PRTG: variants seen among roughly 807,000 people sequenced by gnomAD.
The protein encoded by PRTG is protogenin.
PRTG carries 67 observed loss-of-function variants against 122.5 expected under a neutral mutation model. The observed-to-expected ratio is 0.55, with a 90% CI of 0.45 to 0.67. The LOEUF (loss-of-function observed/expected upper bound fraction) is 0.67. PRTG is among the 30% of genes least tolerant of loss of function. PRTG has a pLI of 0.00. For missense variants in PRTG, 1,435 were observed against 1,415.4 expected, an observed-to-expected ratio of 1.01 and a Z score of -0.22; for synonymous variants, 554 against 501.1, an observed-to-expected ratio of 1.11 and a Z score of -1.41.
chr15:55,708,147 G>GAAAAAAAAA (rs1567109053), intron 2 of PRTG, among the ~76,000 whole-genome samples: 1 of 27,942 alleles, frequency 3.6e-5, no homozygotes, highest in Non-Finnish European at 7.4e-5. Context: ...GAGTAAGCTG[G>GAAAAAAAAA]TAAAAAAAAA....
chr15:55,720,823 T>G (rs1220980716), intron 2 of PRTG, among the ~76,000 whole-genome samples: 1 of 152,218 alleles, frequency 6.6e-6, no homozygotes, highest in African/African-American at 2.4e-5. Context: ...AATCTCATAA[T>G]GTTTTAAGAA....
intron 15 of PRTG, among the ~76,000 whole-genome samples, chr15:55,631,284 A>T (rs1364144684): frequency 2.0e-5 from 3 of 152,246 alleles, no homozygotes; most frequent in African/African-American, 4.8e-5. Flanking sequence ...TGAAAGGAAG[A>T]ACATTTCCAT....
At chr15:55,632,548 T>C (rs1302130575) in intron 15 of PRTG, among the ~76,000 whole-genome samples, 1 of 152,140 alleles carries the variant, frequency 6.6e-6, no homozygotes, top group Non-Finnish European at 1.5e-5. Context: ...CTTAGTTACC[T>C]CCCTACTTCA....
intron 2 of PRTG, among the ~76,000 whole-genome samples, chr15:55,703,303 A>G (rs2029961321): frequency 1.3e-5 from 2 of 152,222 alleles, no homozygotes; most frequent in South Asian, 4.1e-4. Flanking sequence ...TAAATGATTT[A>G]CAATATTGAA....
chr15:55,690,022 T>C (rs900278891), intron 2 of PRTG, among the ~76,000 whole-genome samples: 5 of 152,148 alleles, frequency 3.3e-5, no homozygotes, highest in African/African-American at 9.7e-5. Flanking sequence ...CAATCTTAAA[T>C]AGTTATATGA....
rs2059250274 is a variant in PRTG, at chr15:55,635,093, G to GTGTGTGTGTGTGTC, written c.2623+2076_2623+2077insGACACACACACACA. On this transcript the variant is annotated intron_variant, in intron 15 of 19. Coordinates refer to ENST00000389286, the MANE Select transcript of PRTG (RefSeq NM_173814.6). ...GTTCTGGGTGTGTGTGTGTGTGTGTGTGTGTGTGTGTTTTTTGAGACAGAG... is the reference window on the plus strand; with the variant it reads ...GTTCTGGGTGTGTGTGTGTGTGTGTGTGTGTGTGTGTGTCTGTGTGTGTGTTTTTTGAGACAGAG... Among the ~76,000 whole-genome samples the GTGTGTGTGTGTGTC allele has an allele frequency of 5.3e-5, 8 of 151,830 alleles. 1 individual carries two copies. The Middle Eastern group carries it at 0.017, about 323-fold the overall frequency.
In PRTG at chr15:55,615,401, C is replaced by T. The variant is rs937916365; in HGVS notation, c.*4611G>A. On this transcript the variant is annotated 3_prime_UTR_variant, in exon 20 of 20. Transcript: ENST00000389286. ...TCATGTTAATCTTAAACACCATCAACGGCTTAAAAAGGGAAATTGAGAAGA... is the reference window on the plus strand; with the variant it reads ...TCATGTTAATCTTAAACACCATCAATGGCTTAAAAAGGGAAATTGAGAAGA... 6.6e-6 allele frequency: 1 copy of T among 152,074 alleles called. No individual in the cohort carries two copies. The highest frequency in any genetic ancestry group is 6.6e-5 in the Admixed American group (1 of 15,258). 9.4% of individuals were successfully genotyped at this position (152,074 alleles called of 1,614,324 possible). A position where few individuals can be genotyped will look rare whatever the true frequency, so the allele number is the denominator to read the frequency against.
chr15:55,684,286 CAAAT>C (rs765454684), intron 2 of PRTG, among the ~76,000 whole-genome samples: 76 of 152,284 alleles, frequency 5.0e-4, no homozygotes, highest in Non-Finnish European at 8.8e-4. Context: ...GAGAGGGAAA[CAAAT>C]AAATTCAAAC....
chr15:55,705,656 A>C (rs1453610353), intron 2 of PRTG, among the ~76,000 whole-genome samples: 2 of 151,804 alleles, frequency 1.3e-5, no homozygotes, highest in Non-Finnish European at 2.9e-5. Flanking sequence ...GGGTTTCACC[A>C]TGTTGCACTC....
At chr15:55,648,869 C>T (rs756014914) in intron 11 of PRTG, among the ~76,000 whole-genome samples, 2 of 151,992 alleles carry the variant, frequency 1.3e-5, no homozygotes, top group African/African-American at 2.4e-5. Flanking sequence ...GAGGCCAAGG[C>T]GGGCGGATTA....
intron 2 of PRTG, among the ~76,000 whole-genome samples, chr15:55,715,922 C>T (rs1255618760): frequency 6.6e-6 from 1 of 152,152 alleles, no homozygotes; most frequent in Non-Finnish European, 1.5e-5. Flanking sequence ...GAGAAAGGGG[C>T]AAAGGTAGAC....
chr15:55,719,939 G>C (rs2030749094), intron 2 of PRTG, among the ~76,000 whole-genome samples: 1 of 151,696 alleles, frequency 6.6e-6, no homozygotes, highest in South Asian at 2.1e-4. Context: ...GTGGGCGCCT[G>C]GTCCCACCTA....
Position 55,637,346 on chromosome 15 carries a change from C to A in PRTG, c.2453-6G>T, listed in dbSNP as rs1410215119. On this transcript the variant is annotated splice_region_variant and splice_polypyrimidine_tract_variant and intron_variant, in intron 14 of 19. Coordinates refer to ENST00000389286, the MANE Select transcript of PRTG (RefSeq NM_173814.6). ...AACTGGTGGGCCTGCTGGTGCTGTG[C>A]AGACACAACAAAACATTGTATTAAT... The A allele has an allele frequency of 1.6e-5, 26 of 1,604,690 alleles. No individual in the cohort carries two copies. The highest frequency in any genetic ancestry group is 2.0e-5 in the Non-Finnish European group (24 of 1,176,046).
chr15:55,720,182 C>T (rs2030760447), intron 2 of PRTG, among the ~76,000 whole-genome samples: 1 of 152,100 alleles, frequency 6.6e-6, no homozygotes, highest in Non-Finnish European at 1.5e-5. Context: ...AGTTTGAGAC[C>T]AGCCAGGCCA....
At chr15:55,665,216 C>T (rs1285691409) in intron 11 of PRTG, among the ~76,000 whole-genome samples, 5 of 151,830 alleles carry the variant, frequency 3.3e-5, no homozygotes, top group African/African-American at 7.3e-5. Context: ...GCCGAGATCG[C>T]GCCCCTGCAC....
At chr15:55,656,452 T>C (rs1396346294) in intron 11 of PRTG, 3 of 407,062 alleles carry the variant, frequency 7.4e-6, no homozygotes, top group Non-Finnish European at 9.6e-6. Context: ...CTATAATCTG[T>C]TAGGTTGCTT....
chr15:55,663,837 T>C (rs1207057260), intron 11 of PRTG, among the ~76,000 whole-genome samples: 2 of 152,162 alleles, frequency 1.3e-5, no homozygotes, highest in Non-Finnish European at 2.9e-5. Context: ...CTACTGCACC[T>C]GGCCCCAGTT....
At chr15:55,626,594 CA>C (rs35303660) in intron 17 of PRTG, among the ~76,000 whole-genome samples, 19,193 of 134,444 alleles carry the variant, frequency 0.14, 1,631 homozygotes, top group African/African-American at 0.27. Context: ...ACTAAAAATA[CA>C]AAAAAAAAAA....
chr15:55,698,346 A>C (rs2059643122), intron 2 of PRTG, among the ~76,000 whole-genome samples: 1 of 152,138 alleles, frequency 6.6e-6, no homozygotes, highest in African/African-American at 2.4e-5. Flanking sequence ...GCTGGAGTGC[A>C]GTGGTGTGAT....
Sources: gnomAD v4.1 joint callset for allele counts (sites outside exome capture counted in the v4.1 genomes callset) on GRCh38, gnomAD v4.1.1 for gene constraint, MANE v1.5 for transcripts, NCBI Gene and HGNC (gene_info 2026-07-23, HGNC 2026-07-21) for gene names.